Variants in STK32A observed in about 807,000 individuals in gnomAD.
STK32A encodes serine/threonine-protein kinase 32A.
A neutral mutation model predicts 53.2 loss-of-function variants in STK32A; 41 were observed. The observed-to-expected ratio is 0.77, with a 90% CI of 0.60 to 1.00. The LOEUF (loss-of-function observed/expected upper bound fraction) is 1.00. STK32A is among the 50% of genes least tolerant of loss of function. The pLI, the probability that STK32A is intolerant of heterozygous loss-of-function variation, is 0.00. For missense variants in STK32A, 458 were observed against 485.8 expected (o/e 0.94, Z 0.54); for synonymous variants, 166 against 162.8 (o/e 1.02, Z -0.15).
At chr5:147,248,327 T>C (rs574252419) in intron 2 of STK32A, among the ~76,000 whole-genome samples, 4 of 152,268 alleles carry the variant, frequency 2.6e-5, no homozygotes, top group Non-Finnish European at 1.5e-5. Context: ...ATCTGTTCTT[T>C]GCAGATGCTT....
intron 4 of STK32A, among the ~76,000 whole-genome samples, chr5:147,279,778 T>C (rs1016389385): frequency 1.3e-5 from 2 of 152,194 alleles, no homozygotes; most frequent in African/African-American, 4.8e-5. Context: ...CCTGGAACTG[T>C]CATGGTGCTG....
chr5:147,271,415 G>A (rs1258335683), intron 2 of STK32A, among the ~76,000 whole-genome samples: 1 of 152,062 alleles, frequency 6.6e-6, no homozygotes, highest in African/African-American at 2.4e-5. Flanking sequence ...TGCACAAATT[G>A]TAGAGCATGT....
chr5:147,330,035 T>C (rs72831379), intron 5 of STK32A, among the ~76,000 whole-genome samples: 4,289 of 152,310 alleles, frequency 0.028, 159 homozygotes, highest in East Asian at 0.19. Context: ...GGATTAGTTT[T>C]GTATGCTGTG....
intron 5 of STK32A, among the ~76,000 whole-genome samples, chr5:147,328,060 G>C (rs924082088): frequency 6.6e-6 from 1 of 152,208 alleles, no homozygotes; most frequent in Non-Finnish European, 1.5e-5. Context: ...GCTAAATTGT[G>C]TAAGAAAGAC....
At chr5:147,378,684 G>C (rs1325033075) in intron 11 of STK32A, among the ~76,000 whole-genome samples, 5 of 151,860 alleles carry the variant, frequency 3.3e-5, no homozygotes, top group Non-Finnish European at 4.4e-5. Context: ...CACAAGCCTG[G>C]AAAAGGAGCT....
chr5:147,314,999 C>G (rs1258358427), intron 4 of STK32A, among the ~76,000 whole-genome samples: 2 of 152,074 alleles, frequency 1.3e-5, no homozygotes, highest in Non-Finnish European at 2.9e-5. Context: ...TCTGCCTCAG[C>G]CCCCCAAAGT....
chr5:147,287,177 T>A (rs940398447), intron 4 of STK32A, among the ~76,000 whole-genome samples: 1 of 152,160 alleles, frequency 6.6e-6, no homozygotes, highest in African/African-American at 2.4e-5. Flanking sequence ...ATTTCCATAA[T>A]CCAAGGCATA....
chr5:147,305,730 G>A (rs1053003517), intron 4 of STK32A, among the ~76,000 whole-genome samples: 1 of 151,854 alleles, frequency 6.6e-6, no homozygotes, highest in African/African-American at 2.4e-5. Flanking sequence ...TTTCTGTATT[G>A]TATTCCATTG....
rs754681962 is a variant in STK32A, at chr5:147,239,557, G to A, written c.-78G>A. ...ATCCTAGATATCCAACTAAGGCTTCGGGACATGTTTTGAGCGAAGATGGGT... is the reference window on the plus strand; with the variant it reads ...ATCCTAGATATCCAACTAAGGCTTCAGGACATGTTTTGAGCGAAGATGGGT... On this transcript the variant is annotated 5_prime_UTR_variant, in exon 2 of 13. Coordinates refer to ENST00000397936, the MANE Select transcript of STK32A (RefSeq NM_001112724.2). 2.3e-4 allele frequency: 262 copies of A among 1,139,708 alleles called. No individual in the cohort carries two copies. The highest frequency in any genetic ancestry group is 3.1e-4 in the Non-Finnish European group (248 of 787,638). 70.6% of individuals were successfully genotyped at this position (1,139,708 alleles called of 1,614,324 possible).
intron 4 of STK32A, among the ~76,000 whole-genome samples, chr5:147,279,623 G>T (rs922724476): frequency 1.3e-5 from 2 of 152,022 alleles, no homozygotes; most frequent in African/African-American, 2.4e-5. Flanking sequence ...GAACTCCAGC[G>T]AATGTCATGT....
intron 2 of STK32A, among the ~76,000 whole-genome samples, chr5:147,260,441 A>G (rs1262832586): frequency 6.6e-6 from 1 of 151,480 alleles, no homozygotes; most frequent in African/African-American, 2.4e-5. Context: ...GTGGGAGTAG[A>G]GCTACTCTTT....
chr5:147,259,998 C>G (rs1754439224), intron 2 of STK32A, among the ~76,000 whole-genome samples: 1 of 145,502 alleles, frequency 6.9e-6, no homozygotes, highest in African/African-American at 2.6e-5. Flanking sequence ...TCCTCTCTCT[C>G]TTTCTCTCTC....
chr5:147,355,687 A>C (rs1312742645), intron 7 of STK32A, among the ~76,000 whole-genome samples: 1 of 152,006 alleles, frequency 6.6e-6, no homozygotes, highest in African/African-American at 2.4e-5. Flanking sequence ...CAAAAAAAAT[A>C]AAATGAATAA....
chr5:147,285,920 G>C (rs989509956), intron 4 of STK32A, among the ~76,000 whole-genome samples: 8 of 152,162 alleles, frequency 5.3e-5, no homozygotes, highest in African/African-American at 1.7e-4. Context: ...ACTACCATTT[G>C]ATCCAGCAAT....
chr5:147,372,841 C>T (rs886570747), intron 9 of STK32A, among the ~76,000 whole-genome samples: 3 of 152,066 alleles, frequency 2.0e-5, no homozygotes, highest in African/African-American at 7.2e-5. Context: ...TGATTACAAT[C>T]GTATGAAATA....
intron 11 of STK32A, chr5:147,382,769 C>G (rs1011179535): frequency 6.6e-6 from 1 of 152,204 alleles, no homozygotes; most frequent in Non-Finnish European, 1.5e-5. Context: ...AATGTCCCAG[C>G]CTTTCACGTG....
intron 4 of STK32A, among the ~76,000 whole-genome samples, chr5:147,284,311 A>G (rs1232204864): frequency 6.6e-6 from 1 of 151,826 alleles, no homozygotes; most frequent in African/African-American, 2.4e-5. Context: ...ACCCACAGCC[A>G]ACATAAAACT....
chr5:147,316,627 T>C (rs574798594), intron 4 of STK32A, among the ~76,000 whole-genome samples: 2 of 151,734 alleles, frequency 1.3e-5, no homozygotes, highest in South Asian at 4.2e-4. Context: ...TTTTGAAAAG[T>C]GGTAAATAAA....
In STK32A at chr5:147,370,651, A is replaced by C. The variant is rs1756967134; in HGVS notation, c.661-3A>C. Reference sequence around the variant, plus strand: ...AAGACTTTTACTTCTTTTCTCCCTTAAGAGACCGTATCATATTCGCTCCAG... The same window carrying C: ...AAGACTTTTACTTCTTTTCTCCCTTCAGAGACCGTATCATATTCGCTCCAG... On this transcript the variant is annotated splice_region_variant and splice_polypyrimidine_tract_variant and intron_variant, in intron 8 of 12. Coordinates refer to ENST00000397936, the MANE Select transcript of STK32A (RefSeq NM_001112724.2). The C allele has an allele frequency of 6.2e-7, 1 of 1,600,858 alleles. No homozygotes were observed. Among genetic ancestry groups the C allele is most frequent in the African/African-American group, 1.3e-5 (1 of 74,524 alleles).
Sources: allele counts gnomAD v4.1 joint callset (sites outside exome capture counted in the v4.1 genomes callset), GRCh38; gene constraint gnomAD v4.1.1; transcripts MANE v1.5; gene names NCBI Gene and HGNC (gene_info 2026-07-23, HGNC 2026-07-21).